ARFGEF3: variants seen among roughly 807,000 people sequenced by gnomAD.
ARFGEF3 encodes ARFGEF family member 3, also known as brefeldin A-inhibited guanine nucleotide-exchange protein 3.
A neutral mutation model predicts 221.7 loss-of-function variants in ARFGEF3; 96 were observed. That is an observed-to-expected ratio of 0.43 (90% CI 0.37 to 0.51). The LOEUF (loss-of-function observed/expected upper bound fraction) is 0.51. Ranked by LOEUF, ARFGEF3 falls within the 20% of genes least tolerant of loss-of-function variation. The probability of loss-of-function intolerance (pLI) is 0.00; values close to 1 mark genes in which losing one functional copy is unlikely to be tolerated. For synonymous variants in ARFGEF3, 1,145 were observed against 1,126.8 expected (o/e 1.02, Z -0.32); for missense variants, 2,410 against 2,789.9 (o/e 0.86, Z 3.07).
intron 5 of ARFGEF3, among the ~76,000 whole-genome samples, chr6:138,231,866 A>C (rs571560952): frequency 1.0e-3 from 158 of 152,306 alleles, no homozygotes; most frequent in Non-Finnish European, 2.0e-3. Flanking sequence ...TCAAAATGTA[A>C]ATAAGAGGGC....
At position 138,321,986 on chromosome 6, in the gene ARFGEF3, G is replaced by C. The variant is rs529208730; in HGVS notation, c.4766+761G>C. 4.6e-5 allele frequency among the ~76,000 whole-genome samples: 7 copies of C among 152,328 alleles called. 1 individual carries two copies. In the South Asian group the frequency reaches 1.4e-3, roughly 32 times the overall value. On this transcript the variant is annotated intron_variant, in intron 29 of 33. Transcript: ENST00000251691. ...CTTAATGGATGGTGGCAGGCAAAGA[G>C]AGAGCTTGCTCAGGGCCACAGGGTA...
At chr6:138,200,638 C>T (rs1257329002) in intron 2 of ARFGEF3, among the ~76,000 whole-genome samples, 3 of 152,184 alleles carry the variant, frequency 2.0e-5, no homozygotes, top group African/African-American at 4.8e-5. Flanking sequence ...GAGAATGAAA[C>T]TGGATCCTCA....
intron 2 of ARFGEF3, among the ~76,000 whole-genome samples, chr6:138,172,394 A>G (rs79232645): frequency 0.041 from 6,251 of 152,128 alleles, 145 homozygotes; most frequent in Middle Eastern, 0.092. Context: ...CTCTGCTCCT[A>G]CTTGTCAGAG....
Position 138,255,436 on chromosome 6 carries a change from GA to G in ARFGEF3, c.776del (p.Asn259ThrfsTer8). 6.4e-7 allele frequency: 1 copy of G among 1,570,392 alleles called. No individual in the cohort carries two copies. The highest frequency in any genetic ancestry group is 8.7e-7 in the Non-Finnish European group (1 of 1,150,398). The part of the protein sequence containing the change: ...LHRRFTDLIW[K>X]NLCPALIVIL... ...TACTTTTCTCACCATCTCTTCCCAG[GA>G]AAAACCTCTGCCCTGCTCTCATCGT... On this transcript the variant is annotated frameshift_variant and splice_region_variant, in exon 10 of 34. Transcript: ENST00000251691. LOFTEE classifies it high-confidence loss of function.
Position 138,193,410 on chromosome 6 carries a change from A to G in ARFGEF3, c.138-13632A>G, listed in dbSNP as rs1777348418. Among the ~76,000 whole-genome samples, 4 of 152,190 alleles carry G rather than the reference A, an allele frequency of 2.6e-5. No homozygotes were observed. In the South Asian group the frequency reaches 8.3e-4, roughly 32 times the overall value. ...CATTACCTTGTACCTATGTTTCCAT[A>G]TTATCACATGTCTGTTACTTCCTCT... On this transcript the variant is annotated intron_variant, in intron 2 of 33. Transcript: ENST00000251691.
At chr6:138,223,747 C>A (rs993412745) in intron 4 of ARFGEF3, among the ~76,000 whole-genome samples, 1 of 152,016 alleles carries the variant, frequency 6.6e-6, no homozygotes, top group Admixed American at 6.6e-5. Context: ...TGTGTTATAA[C>A]GTGAAATTTA....
At chr6:138,213,530 C>G (rs1734063303) in intron 4 of ARFGEF3, among the ~76,000 whole-genome samples, 1 of 151,320 alleles carries the variant, frequency 6.6e-6, no homozygotes, top group Admixed American at 6.6e-5. Context: ...TCCAACTTAA[C>G]TATAACTGTG....
chr6:138,197,604 C>T (rs1777453817), intron 2 of ARFGEF3, among the ~76,000 whole-genome samples: 1 of 152,022 alleles, frequency 6.6e-6, no homozygotes, highest in South Asian at 2.1e-4. Flanking sequence ...AGGAAATTTC[C>T]CAGGTGATAG....
At chr6:138,331,755 A>G (rs946080132) in intron 32 of ARFGEF3, among the ~76,000 whole-genome samples, 3 of 152,208 alleles carry the variant, frequency 2.0e-5, no homozygotes, top group African/African-American at 4.8e-5. Context: ...ACCCTTGGGT[A>G]TGCTGAATTA....
intron 25 of ARFGEF3, among the ~76,000 whole-genome samples, chr6:138,311,798 G>C (rs1426667403): frequency 6.6e-6 from 1 of 152,164 alleles, no homozygotes; most frequent in Non-Finnish European, 1.5e-5. Flanking sequence ...TGAGGTTTTA[G>C]GGGAAGGGGT....
chr6:138,319,743 T>C lies in ARFGEF3; in HGVS notation c.4515T>C (p.Leu1505=). 1 of 1,613,462 alleles carries C rather than the reference T, an allele frequency of 6.2e-7. No homozygotes were observed. Among genetic ancestry groups the C allele is most frequent in the Non-Finnish European group, 8.5e-7 (1 of 1,179,720 alleles). Residue 1505 remains leucine (L), a synonymous_variant, in exon 28 of 34, where the codon CTT becomes CTC. Coordinates refer to ENST00000251691, the MANE Select transcript of ARFGEF3 (RefSeq NM_020340.5). ...TCTATGCAGTGGTTCACCTCCTCCT[T>C]CCTGTGATGTCCGTTTGGCTCCGCC... ...FGIYAVVHLL[L]PVMSVWLRRS...
rs767816354 is a variant in ARFGEF3, at chr6:138,334,742, A to G, written c.5896A>G (p.Arg1966Gly). The change falls in exon 33 of 34, where the codon AGA (arginine) becomes GGA (glycine). Residue 1966 changes from arginine (R) to glycine (G), a missense_variant. This residue lies in a region of ARFGEF3 where 339 missense variants were observed against 334.9 expected (regional missense o/e 1.01). Transcript: ENST00000251691. The surrounding 1 kb of genome is among the most constrained non-coding windows in gnomAD (Gnocchi z 5.1). ...GAAAGAAACCCCTTCCGAGGATGACAGAAGCCAGTCCCGGGAGCACATGGG... is the reference window on the plus strand; with the variant it reads ...GAAAGAAACCCCTTCCGAGGATGACGGAAGCCAGTCCCGGGAGCACATGGG... ...SGKETPSEDDRSQSREHMGES... is the reference protein window; with the variant it reads ...SGKETPSEDDGSQSREHMGES... 1 of 1,610,024 alleles carries G rather than the reference A, an allele frequency of 6.2e-7. No individual in the cohort carries two copies. The highest frequency in any genetic ancestry group is 1.7e-5 in the Admixed American group (1 of 59,772).
Position 138,344,044 on chromosome 6 carries a change from T to G in ARFGEF3, c.*7558T>G, listed in dbSNP as rs1301610276. On this transcript the variant is annotated 3_prime_UTR_variant, in exon 34 of 34. Coordinates refer to ENST00000251691, the MANE Select transcript of ARFGEF3 (RefSeq NM_020340.5). ...GCTAAGAGACTATTATTCAATATGCTTTTCCCGCTTTTCTAAGAGGAATAA... is the reference window on the plus strand; with the variant it reads ...GCTAAGAGACTATTATTCAATATGCGTTTCCCGCTTTTCTAAGAGGAATAA... The G allele has an allele frequency of 6.6e-6, 1 of 152,184 alleles. No homozygotes were observed. The highest frequency in any genetic ancestry group is 1.5e-5 in the Non-Finnish European group (1 of 68,038). 9.4% of individuals were successfully genotyped at this position (152,184 alleles called of 1,614,324 possible).
chr6:138,297,746 A>G (rs1779547370), intron 21 of ARFGEF3, among the ~76,000 whole-genome samples: 1 of 152,198 alleles, frequency 6.6e-6, no homozygotes, highest in South Asian at 2.1e-4. Context: ...TTAAAACAAC[A>G]ACCATTTATT....
At chr6:138,265,037 G>A (rs1320949873) in intron 12 of ARFGEF3, among the ~76,000 whole-genome samples, 2 of 151,802 alleles carry the variant, frequency 1.3e-5, no homozygotes, top group Non-Finnish European at 2.9e-5. Context: ...CCAAGTAGCT[G>A]GGACTACAGG....
At chr6:138,314,229 G>A (rs1779879833) in intron 26 of ARFGEF3, among the ~76,000 whole-genome samples, 1 of 152,000 alleles carries the variant, frequency 6.6e-6, no homozygotes, top group South Asian at 2.1e-4. Context: ...AGAGGCAGGG[G>A]GACCAAAGTC....
chr6:138,277,659 T>C (rs1390668515), intron 12 of ARFGEF3, among the ~76,000 whole-genome samples: 1 of 152,260 alleles, frequency 6.6e-6, no homozygotes, highest in Non-Finnish European at 1.5e-5. Context: ...TTTAAGGGTC[T>C]ACTATGTACC....
At chr6:138,277,884 A>G (rs1348139067) in intron 12 of ARFGEF3, among the ~76,000 whole-genome samples, 3 of 152,230 alleles carry the variant, frequency 2.0e-5, no homozygotes, top group African/African-American at 7.2e-5. Flanking sequence ...TAATGGAATT[A>G]AAAGGGAAGG....
intron 33 of ARFGEF3, among the ~76,000 whole-genome samples, chr6:138,336,006 T>TTTG (rs149097892): frequency 5.7e-4 from 83 of 144,410 alleles, no homozygotes; most frequent in African/African-American, 2.1e-3. Flanking sequence ...GCAAGGGAGG[T>TTTG]TTGTTGTTGT....
Sources: allele counts gnomAD v4.1 joint callset (sites outside exome capture counted in the v4.1 genomes callset), GRCh38; gene constraint gnomAD v4.1.1; regional missense constraint gnomAD v4.1.1; non-coding constraint Gnocchi (gnomAD v3.1); transcripts MANE v1.5; gene names NCBI Gene and HGNC (gene_info 2026-07-23, HGNC 2026-07-21).